ZMYND8: variants seen among roughly 807,000 people sequenced by gnomAD.
ZMYND8 encodes the protein zinc finger MYND-type containing 8.
A neutral mutation model predicts 140.8 loss-of-function variants in ZMYND8; 37 were observed. That is an observed-to-expected ratio of 0.26 (90% CI 0.20 to 0.35). The LOEUF (loss-of-function observed/expected upper bound fraction) is 0.35. Ranked by LOEUF, ZMYND8 falls within the 10% of genes least tolerant of loss-of-function variation. The pLI is 1.00. For synonymous variants in ZMYND8, 592 were observed against 597.1 expected (o/e 0.99, Z 0.12); for missense variants, 1,068 against 1,570.0 (o/e 0.68, Z 5.40).
intron 1 of ZMYND8, chr20:47,349,769 T>G: frequency 2.7e-6 from 4 of 1,488,106 alleles, no homozygotes; most frequent in Non-Finnish European, 2.7e-6. Context: ...TCCCATATTT[T>G]GAGTAATAGA....
chr20:47,343,717 G>A (rs1353026865), intron 2 of ZMYND8, among the ~76,000 whole-genome samples: 3 of 152,244 alleles, frequency 2.0e-5, no homozygotes, highest in East Asian at 1.9e-4. Flanking sequence ...GGCTGGTCTC[G>A]AACTCCTGGC....
At chr20:47,333,770 T>C (rs1602022734) in intron 2 of ZMYND8, among the ~76,000 whole-genome samples, 1 of 116,330 alleles carries the variant, frequency 8.6e-6, no homozygotes, top group South Asian at 2.9e-4. Flanking sequence ...TAGCTGGGCG[T>C]GATGGTGCTC....
chr20:47,315,149 G>A (rs960519355), intron 2 of ZMYND8, among the ~76,000 whole-genome samples: 6 of 152,114 alleles, frequency 3.9e-5, no homozygotes, highest in East Asian at 1.9e-4. Context: ...ACTTGTAAGC[G>A]ATTTAGAGTT....
intron 2 of ZMYND8, among the ~76,000 whole-genome samples, chr20:47,312,614 C>T (rs184094048): frequency 9.0e-4 from 137 of 152,114 alleles, no homozygotes; most frequent in Admixed American, 3.9e-3. Flanking sequence ...GGTGAAACCC[C>T]GTACTTTTGT....
chr20:47,272,449 G>A (rs547640375), intron 11 of ZMYND8, among the ~76,000 whole-genome samples: 148 of 152,308 alleles, frequency 9.7e-4, no homozygotes, highest in African/African-American at 3.4e-3. Flanking sequence ...AGAGGGTGGT[G>A]AATGTCAGGC....
chr20:47,324,842 CCTT>C (rs1359110412), intron 2 of ZMYND8, among the ~76,000 whole-genome samples: 1 of 152,208 alleles, frequency 6.6e-6, no homozygotes, highest in East Asian at 1.9e-4. Flanking sequence ...CCTCCAGACT[CCTT>C]ATTATATAAT....
At chr20:47,280,091 C>A (rs2076510959) in intron 10 of ZMYND8, among the ~76,000 whole-genome samples, 1 of 146,942 alleles carries the variant, frequency 6.8e-6, no homozygotes, top group African/African-American at 2.5e-5. Flanking sequence ...CCACTGCACA[C>A]ACCAGCCTAG....
At chr20:47,336,355 T>C (rs2081384879) in intron 2 of ZMYND8, among the ~76,000 whole-genome samples, 1 of 152,238 alleles carries the variant, frequency 6.6e-6, no homozygotes, top group South Asian at 2.1e-4. Context: ...CCGCTGCATC[T>C]GTGCGTGTTT....
intron 11 of ZMYND8, among the ~76,000 whole-genome samples, chr20:47,269,195 T>C (rs1255521651): frequency 2.0e-5 from 3 of 151,884 alleles, no homozygotes; most frequent in Admixed American, 6.6e-5. Context: ...TGGGACTCCA[T>C]CTCAAAAAAA....
intron 22 of ZMYND8, among the ~76,000 whole-genome samples, chr20:47,212,383 T>C (rs558266821): frequency 6.6e-6 from 1 of 152,296 alleles, no homozygotes; most frequent in South Asian, 2.1e-4. Flanking sequence ...TCGGTGTTCA[T>C]CTAGGACCCT....
In ZMYND8 at chr20:47,239,147, T is replaced by A. The variant is rs1482223441; in HGVS notation, c.2285-9A>T. ...TGGAGTTTTACCTACAACTAGCCAATGCATGAAGAAAAAACAAACAAAAAC... is the reference window on the plus strand; with the variant it reads ...TGGAGTTTTACCTACAACTAGCCAAAGCATGAAGAAAAAACAAACAAAAAC... On this transcript the variant is annotated splice_polypyrimidine_tract_variant and intron_variant, in intron 14 of 22. Transcript: ENST00000471951. 1 of 1,485,020 alleles carries A rather than the reference T, an allele frequency of 6.7e-7. No individual in the cohort carries two copies. The allele number at this position is 1,485,020 out of a possible 1,614,324, so 92.0% of individuals were successfully genotyped here.
In ZMYND8 at chr20:47,309,363, T is replaced by C. The variant is rs111604329; in HGVS notation, c.234+693A>G. On this transcript the variant is annotated intron_variant, in intron 3 of 22. Transcript: ENST00000471951. ...GCTCTGTCACCAGGCTGGAGTGCAG[T>C]GGCGCGATCTCGGCTCACTGCAACC... Among the ~76,000 whole-genome samples, 1,461 of 152,036 alleles carry C rather than the reference T, an allele frequency of 9.6e-3. 25 individuals carry two copies. The highest frequency in any genetic ancestry group is 0.034 in the African/African-American group (1,397 of 41,478).
Position 47,249,344 on chromosome 20 carries a change from G to C in ZMYND8, c.1717C>G (p.Arg573Gly). Residue 573 changes from arginine (R) to glycine (G), a missense_variant, in exon 13 of 23, where the codon CGT becomes GGT. Around this residue, in one of 10 missense-constraint regions of ZMYND8, gnomAD observed 173 missense variants for 223.3 expected, o/e 0.77. Coordinates refer to ENST00000471951, the MANE Select transcript of ZMYND8 (RefSeq NM_001281775.3). ...VPLISPKRQI[R>G]SRFQLNLDKT... ...TCAAGATTCAGCTGGAACCTGCTACGAATCTGGCGCTTGGGAGAGATGAGA... is the reference window on the plus strand; with the variant it reads ...TCAAGATTCAGCTGGAACCTGCTACCAATCTGGCGCTTGGGAGAGATGAGA... 1 of 1,614,100 alleles carries C rather than the reference G, an allele frequency of 6.2e-7. No homozygotes were observed. The highest frequency in any genetic ancestry group is 2.2e-5 in the East Asian group (1 of 44,870).
chr20:47,344,519 A>C (rs759241231), intron 2 of ZMYND8, among the ~76,000 whole-genome samples: 54 of 152,242 alleles, frequency 3.5e-4, no homozygotes, highest in Non-Finnish European at 6.6e-4. Context: ...GTCACAGCCA[A>C]CAGGAGCCCA....
At chr20:47,331,001 C>T (rs1345220889) in intron 2 of ZMYND8, among the ~76,000 whole-genome samples, 1 of 152,132 alleles carries the variant, frequency 6.6e-6, no homozygotes, top group Non-Finnish European at 1.5e-5. Flanking sequence ...TGGGCAAAGG[C>T]CCTGAGGCTT....
At chr20:47,336,337 C>T (rs191607371) in intron 2 of ZMYND8, among the ~76,000 whole-genome samples, 1 of 152,298 alleles carries the variant, frequency 6.6e-6, no homozygotes, top group East Asian at 1.9e-4. Context: ...TTTTAATATC[C>T]TGGGCTTCCG....
chr20:47,291,826 G>A lies in ZMYND8; in HGVS notation c.630C>T (p.Phe210=), dbSNP rs2077283854. 15 of 1,613,192 alleles carry A rather than the reference G, an allele frequency of 9.3e-6. No individual in the cohort carries two copies. The South Asian group carries it at 1.4e-4, about 15-fold the overall frequency. ...CCAATGTACAAAGGTCCATTGGATGGAAGATGTATTCCGCATAGTCAGGGT... is the reference window on the plus strand; with the variant it reads ...CCAATGTACAAAGGTCCATTGGATGAAAGATGTATTCCGCATAGTCAGGGT... ...EQHPDYAEYI[F]HPMDLCTLEK... The change falls in exon 6 of 23, where the codon TTC becomes TTT. Residue 210 remains phenylalanine (F), a synonymous_variant. Transcript: ENST00000471951.
At chr20:47,274,185 T>C (rs1035884383) in intron 11 of ZMYND8, among the ~76,000 whole-genome samples, 5 of 152,240 alleles carry the variant, frequency 3.3e-5, no homozygotes, top group Non-Finnish European at 5.9e-5. Flanking sequence ...CCTATAAAAC[T>C]GAATTTTTTG....
At chr20:47,214,765 G>C (rs1395295847) in intron 21 of ZMYND8, among the ~76,000 whole-genome samples, 1 of 152,170 alleles carries the variant, frequency 6.6e-6, no homozygotes, top group Non-Finnish European at 1.5e-5. Flanking sequence ...AAGGTGTTGG[G>C]ATTATAGGCA....
Sources: gnomAD v4.1 joint callset for allele counts (sites outside exome capture counted in the v4.1 genomes callset) on GRCh38, gnomAD v4.1.1 for gene constraint, gnomAD v4.1.1 regional missense constraint, MANE v1.5 for transcripts, NCBI Gene and HGNC (gene_info 2026-07-23, HGNC 2026-07-21) for gene names.